The following SMAD9 variants were observed in gnomAD, a reference collection of about 807,000 sequenced individuals.
SMAD9 encodes SMAD family member 9.
SMAD9 carries 36 observed loss-of-function variants against 46.1 expected under a neutral mutation model. The ratio of observed to expected loss-of-function variants is 0.78; its 90% confidence interval spans 0.60 to 1.03. The LOEUF (loss-of-function observed/expected upper bound fraction) is 1.03, where lower values mean the gene tolerates loss of function less well. Among genes scored for constraint, SMAD9 ranks in the 50% least tolerant of loss-of-function variants. The pLI is 0.00. For missense variants in SMAD9, 572 were observed against 599.8 expected (o/e 0.95, Z 0.48); for synonymous variants, 245 against 237.1 (o/e 1.03, Z -0.31).
rs2058050926 is a variant in SMAD9, at chr13:36,848,640, C to T, written c.*36G>A. 1 of 1,606,724 alleles carries T rather than the reference C, an allele frequency of 6.2e-7. No homozygotes were observed. The highest frequency in any genetic ancestry group is 8.5e-7 in the Non-Finnish European group (1 of 1,173,212). On this transcript the variant is annotated 3_prime_UTR_variant, in exon 7 of 7. Coordinates refer to ENST00000379826, the MANE Select transcript of SMAD9 (RefSeq NM_001127217.3). ...GATACAAGCCACTCCCTGCAATAGC[C>T]TCTATCCTATGGAAATGCAGCTTAA... is the stretch of plus-strand genomic sequence containing the variant.
chr13:36,848,257 G>T lies in SMAD9; in HGVS notation c.*419C>A. On this transcript the variant is annotated 3_prime_UTR_variant, in exon 7 of 7. Coordinates refer to ENST00000379826, the MANE Select transcript of SMAD9 (RefSeq NM_001127217.3). ...TAAACTGTAGGGGTTTCACTGCTTT[G>T]TTTCATCTGAGTGATATTTGCTTTA... is the stretch of plus-strand genomic sequence containing the variant. 5.5e-6 allele frequency: 1 copy of T among 181,186 alleles called. No homozygotes were observed. The highest frequency in any genetic ancestry group is 1.2e-5 in the Non-Finnish European group (1 of 85,486). The allele number at this position is 181,186 out of a possible 1,614,324, so 11.2% of individuals were successfully genotyped here.
At chr13:36,915,263 CT>C in intron 1 of SMAD9, among the ~76,000 whole-genome samples, 1 of 152,172 alleles carries the variant, frequency 6.6e-6, no homozygotes. Flanking sequence ...ATCCAGATTC[CT>C]TTGTTCAGTG....
chr13:36,855,079 A>G (rs1265475775), intron 5 of SMAD9, among the ~76,000 whole-genome samples: 1 of 152,038 alleles, frequency 6.6e-6, no homozygotes, highest in African/African-American at 2.4e-5. Context: ...CAGGAGCTCA[A>G]GTCTGGCCTG....
chr13:36,887,469 C>T (rs1337370247), intron 1 of SMAD9, among the ~76,000 whole-genome samples: 1 of 151,178 alleles, frequency 6.6e-6, no homozygotes, highest in Non-Finnish European at 1.5e-5. Flanking sequence ...GTGGTCCGCT[C>T]GCTTCGGCCT....
chr13:36,891,616 C>T (rs943952054), intron 1 of SMAD9, among the ~76,000 whole-genome samples: 1 of 152,182 alleles, frequency 6.6e-6, no homozygotes, highest in African/African-American at 2.4e-5. Flanking sequence ...TCATTACACC[C>T]GGCCTGGTAA....
chr13:36,853,107 A>G (rs1480609355), intron 6 of SMAD9, among the ~76,000 whole-genome samples: 1 of 152,128 alleles, frequency 6.6e-6, no homozygotes. Flanking sequence ...CAATATGGTG[A>G]AACCCTGTCT....
At chr13:36,907,516 T>C (rs373414233) in intron 1 of SMAD9, among the ~76,000 whole-genome samples, 1 of 152,008 alleles carries the variant, frequency 6.6e-6, no homozygotes, top group Non-Finnish European at 1.5e-5. Context: ...AAAGTGGTTG[T>C]TGTTTTTGAT....
At chr13:36,868,506 G>A (rs1031258187) in intron 3 of SMAD9, among the ~76,000 whole-genome samples, 1 of 152,190 alleles carries the variant, frequency 6.6e-6, no homozygotes, top group African/African-American at 2.4e-5. Flanking sequence ...TTGGAAGGCT[G>A]AAGTGGGAGG....
rs1468922568 is a variant in SMAD9, at chr13:36,848,110, C to T, written c.*566G>A. 1 of 153,638 alleles carries T rather than the reference C, an allele frequency of 6.5e-6. No homozygotes were observed. Among genetic ancestry groups the T allele is most frequent in the Non-Finnish European group, 1.4e-5 (1 of 69,048 alleles). 9.5% of individuals were successfully genotyped at this position (153,638 alleles called of 1,614,324 possible). On this transcript the variant is annotated 3_prime_UTR_variant, in exon 7 of 7. Coordinates refer to ENST00000379826, the MANE Select transcript of SMAD9 (RefSeq NM_001127217.3). ...TAAAATGTACCACTGAATATGAGCA[C>T]AGGAGCCCAGCTATAGGTATGTCAA...
chr13:36,874,734 G>C (rs921963643), intron 2 of SMAD9, among the ~76,000 whole-genome samples: 5 of 151,414 alleles, frequency 3.3e-5, no homozygotes, highest in African/African-American at 1.2e-4. Flanking sequence ...GCGGGTGCCT[G>C]TAGTCCCAGC....
intron 5 of SMAD9, among the ~76,000 whole-genome samples, chr13:36,863,556 T>C (rs2058204036): frequency 6.6e-6 from 1 of 152,170 alleles, no homozygotes; most frequent in African/African-American, 2.4e-5. Context: ...CGAAATCTGA[T>C]TCTCAATATT....
chr13:36,865,800 C>T (rs867598464), intron 4 of SMAD9, 42 bp from the exon 5 acceptor site: 32 of 1,507,126 alleles, frequency 2.1e-5, no homozygotes, highest in South Asian at 1.0e-4. Context: ...TACTGTCATA[C>T]CTGGGCTGTG....
chr13:36,903,354 T>C (rs1263459620), intron 1 of SMAD9, among the ~76,000 whole-genome samples: 1 of 152,108 alleles, frequency 6.6e-6, no homozygotes. Context: ...CTTGAACTCC[T>C]GACCTCGTGA....
intron 1 of SMAD9, among the ~76,000 whole-genome samples, chr13:36,888,362 C>T (rs1468034505): frequency 1.3e-5 from 2 of 152,180 alleles, no homozygotes; most frequent in African/African-American, 4.8e-5. Context: ...ATGTGCCTTG[C>T]TTCCCCTTCA....
chr13:36,868,688 G>A (rs146059248), intron 3 of SMAD9, among the ~76,000 whole-genome samples: 3 of 152,154 alleles, frequency 2.0e-5, no homozygotes, highest in African/African-American at 7.2e-5. Context: ...AGCTATGACT[G>A]TGCCCCCATA....
chr13:36,858,411 A>T lies in SMAD9; in HGVS notation c.1004-4736T>A, dbSNP rs2058147058. ...CAGCAGATGGCAGTAATTTCTCTTG[A>T]GGAAGAGGCACCTTTTCCTAACTCA... On this transcript the variant is annotated intron_variant, in intron 5 of 6. Transcript: ENST00000379826. Among the ~76,000 whole-genome samples the T allele has an allele frequency of 4.6e-5, 7 of 152,308 alleles. No individual in the cohort carries two copies. In the South Asian group the frequency reaches 1.4e-3, roughly 32 times the overall value.
intron 5 of SMAD9, among the ~76,000 whole-genome samples, chr13:36,857,181 T>C (rs549005935): frequency 6.7e-6 from 1 of 149,076 alleles, no homozygotes; most frequent in South Asian, 2.1e-4. Context: ...CTGACAGTTC[T>C]GTATGAAATG....
At chr13:36,865,319 A>G (rs182967586) in intron 5 of SMAD9, among the ~76,000 whole-genome samples, 4 of 152,264 alleles carry the variant, frequency 2.6e-5, no homozygotes, top group Admixed American at 1.3e-4. Flanking sequence ...CCACCCCTAG[A>G]AAGTGGCATG....
rs1249203130 is a variant in SMAD9 at position 36,853,759 on chromosome 13, T to A, written c.1004-84A>T. 1.1e-5 allele frequency: 16 copies of A among 1,397,344 alleles called. No homozygotes were observed. In the East Asian group the frequency reaches 3.0e-4, roughly 26 times the overall value. 86.6% of individuals were successfully genotyped at this position (1,397,344 alleles called of 1,614,324 possible). A position where few individuals can be genotyped will look rare whatever the true frequency, so the allele number is the denominator to read the frequency against. Reference sequence around the variant, plus strand: ...CTGATTCCTGAAACCCTAGGAGATGTGACTCTCCCATCAGGTTGTCAGATC... The same window carrying A: ...CTGATTCCTGAAACCCTAGGAGATGAGACTCTCCCATCAGGTTGTCAGATC... On this transcript the variant is annotated intron_variant, in intron 5 of 6. Transcript: ENST00000379826.
Sources: gnomAD v4.1 joint callset for allele counts (sites outside exome capture counted in the v4.1 genomes callset) on GRCh38, gnomAD v4.1.1 for gene constraint, MANE v1.5 for transcripts, NCBI Gene and HGNC (gene_info 2026-07-23, HGNC 2026-07-21) for gene names.